The following LYPD6B variants were observed in gnomAD, a reference collection of about 807,000 sequenced individuals.
The protein encoded by LYPD6B is ly6/PLAUR domain-containing protein 6B.
LYPD6B carries 17 observed loss-of-function variants against 22.8 expected under a neutral mutation model. The observed-to-expected ratio is 0.75, with a 90% confidence interval of 0.51 to 1.12. LYPD6B has a LOEUF of 1.12. LYPD6B is among the 50% of genes most tolerant of loss of function. LYPD6B has a pLI of 0.00. For synonymous variants in LYPD6B, 106 were observed against 91.6 expected (o/e 1.16, Z -0.90); for missense variants, 221 against 258.3 (o/e 0.86, Z 0.99).
At chr2:149,188,306 T>C (rs1575147697) in intron 3 of LYPD6B, among the ~76,000 whole-genome samples, 1 of 152,196 alleles carries the variant, frequency 6.6e-6, no homozygotes, top group Non-Finnish European at 1.5e-5. Flanking sequence ...TTGGAGGCCT[T>C]GTTTTTTCAC....
intron 5 of LYPD6B, among the ~76,000 whole-genome samples, chr2:149,210,559 AT>A (rs1482648116): frequency 6.6e-6 from 1 of 152,218 alleles, no homozygotes; most frequent in African/African-American, 2.4e-5. Flanking sequence ...GCCTACGGCT[AT>A]TGTTCTTTGT....
At chr2:149,084,637 T>C (rs190901410) in intron 1 of LYPD6B, among the ~76,000 whole-genome samples, 27 of 152,354 alleles carry the variant, frequency 1.8e-4, no homozygotes, top group Admixed American at 7.8e-4. Context: ...GGAGTCATTA[T>C]AGGTTTGTTC....
In LYPD6B at chr2:149,085,665, A is replaced by G. The variant is rs1685354390; in HGVS notation, c.-66-45218A>G. Among the ~76,000 whole-genome samples the G allele has an allele frequency of 3.3e-5, 5 of 152,348 alleles. No individual in the cohort carries two copies. In the South Asian group the frequency reaches 1.0e-3, roughly 32 times the overall value. ...ATGTGGAGAGTTAGTTCTCTTTAAG[A>G]ATCAACATTCTTTGAGCCAGTTATA... On this transcript the variant is annotated intron_variant, in intron 1 of 6. Coordinates refer to ENST00000409642, the MANE Select transcript of LYPD6B (RefSeq NM_177964.5).
At chr2:149,080,841 C>CAAAAAAAAAAAAAAA in intron 1 of LYPD6B, among the ~76,000 whole-genome samples, 1 of 46,228 alleles carries the variant, frequency 2.2e-5, no homozygotes, top group Non-Finnish European at 3.7e-5. Flanking sequence ...GACTCTATCT[C>CAAAAAAAAAAAAAAA]AAAAAAAAAA....
At chr2:149,092,251 G>A (rs1398192518) in intron 1 of LYPD6B, among the ~76,000 whole-genome samples, 33 of 152,054 alleles carry the variant, frequency 2.2e-4, no homozygotes, top group Admixed American at 2.1e-3. Context: ...TAGGGGAGAC[G>A]ATGGAAGAGC....
At chr2:149,189,149 G>A (rs1692315454) in intron 3 of LYPD6B, among the ~76,000 whole-genome samples, 2 of 151,738 alleles carry the variant, frequency 1.3e-5, no homozygotes, top group Non-Finnish European at 2.9e-5. Flanking sequence ...TAAAGAGTGA[G>A]AATTCTCAGG....
intron 3 of LYPD6B, among the ~76,000 whole-genome samples, chr2:149,182,464 A>G (rs1051680534): frequency 9.9e-5 from 15 of 152,242 alleles, no homozygotes; most frequent in Admixed American, 7.2e-4. Flanking sequence ...TCAGATAAAT[A>G]CTTGAAGTTT....
chr2:149,090,600 A>G (rs1574948902), intron 1 of LYPD6B, among the ~76,000 whole-genome samples: 1 of 152,286 alleles, frequency 6.6e-6, no homozygotes, highest in East Asian at 1.9e-4. Context: ...TAAGAATTAC[A>G]TAAATGGAGA....
chr2:149,128,024 A>G (rs570608967), intron 1 of LYPD6B, among the ~76,000 whole-genome samples: 3 of 152,212 alleles, frequency 2.0e-5, no homozygotes, highest in African/African-American at 7.2e-5. Context: ...AACAAATTAG[A>G]CCCCATATTT....
chr2:149,149,199 G>A (rs1167386065), intron 2 of LYPD6B, among the ~76,000 whole-genome samples: 1 of 152,086 alleles, frequency 6.6e-6, no homozygotes, highest in East Asian at 1.9e-4. Flanking sequence ...TGGCAAAACT[G>A]CAATTACTTT....
At chr2:149,155,026 T>A (rs229316) in intron 2 of LYPD6B, among the ~76,000 whole-genome samples, 119,365 of 152,032 alleles carry the variant, frequency 0.79, 47,176 homozygotes, top group Non-Finnish European at 0.83. Flanking sequence ...TTGAATTTTT[T>A]AAAAAATTTA....
chr2:149,115,227 C>G (rs888294100), intron 1 of LYPD6B, among the ~76,000 whole-genome samples: 1 of 152,174 alleles, frequency 6.6e-6, no homozygotes, highest in African/African-American at 2.4e-5. Context: ...GTGTGAGCCA[C>G]CATGCCCAGC....
At chr2:149,210,133 A>AT (rs1693756274) in intron 5 of LYPD6B, among the ~76,000 whole-genome samples, 1 of 152,180 alleles carries the variant, frequency 6.6e-6, no homozygotes, top group South Asian at 2.1e-4. Flanking sequence ...ATTGTACCAA[A>AT]ACACTGCTCC....
At chr2:149,140,649 T>A (rs1463600527) in intron 2 of LYPD6B, among the ~76,000 whole-genome samples, 3 of 152,204 alleles carry the variant, frequency 2.0e-5, no homozygotes, top group Non-Finnish European at 4.4e-5. Flanking sequence ...ATGCCAGTAC[T>A]TTTGTAGCAT....
intron 1 of LYPD6B, among the ~76,000 whole-genome samples, chr2:149,110,153 G>C (rs1686688068): frequency 6.6e-6 from 1 of 152,066 alleles, no homozygotes; most frequent in South Asian, 2.1e-4. Flanking sequence ...TTTTAACTTA[G>C]ACATTGCAGG....
At chr2:149,060,400 C>A (rs1015993792) in intron 1 of LYPD6B, among the ~76,000 whole-genome samples, 11 of 152,122 alleles carry the variant, frequency 7.2e-5, no homozygotes, top group African/African-American at 2.2e-4. Context: ...ATAACTACAG[C>A]ACATACAAAA....
In LYPD6B at chr2:149,100,713, G is replaced by A. The variant is rs887971488; in HGVS notation, c.-66-30170G>A. On this transcript the variant is annotated intron_variant, in intron 1 of 6. Transcript: ENST00000409642. ...TATGAACCAAGTCTGTCTTATTTATGTGGACTTGTTAAGTTGGTGGCTTTA... is the reference window on the plus strand; with the variant it reads ...TATGAACCAAGTCTGTCTTATTTATATGGACTTGTTAAGTTGGTGGCTTTA... Among the ~76,000 whole-genome samples the A allele has an allele frequency of 3.3e-5, 5 of 152,302 alleles. No homozygotes were observed. In the East Asian group the frequency reaches 5.8e-4, roughly 18 times the overall value.
intron 2 of LYPD6B, 92 bp downstream of exon 2, chr2:149,131,045 A>G (rs1687997384): frequency 1.2e-6 from 1 of 839,234 alleles, no homozygotes; most frequent in Non-Finnish European, 2.0e-6. Context: ...TCGCAAAAAT[A>G]TATTAAACAT....
intron 1 of LYPD6B, among the ~76,000 whole-genome samples, chr2:149,105,712 A>G (rs1193038341): frequency 6.6e-6 from 1 of 152,074 alleles, no homozygotes; most frequent in Non-Finnish European, 1.5e-5. Context: ...TGATGCTTCC[A>G]TCAGATTTTC....
Sources: allele counts gnomAD v4.1 joint callset (sites outside exome capture counted in the v4.1 genomes callset), GRCh38; gene constraint gnomAD v4.1.1; transcripts MANE v1.5; gene names NCBI Gene and HGNC (gene_info 2026-07-23, HGNC 2026-07-21).